Variants in RET observed in about 807,000 individuals in gnomAD.
RET encodes the protein ret proto-oncogene, also known as proto-oncogene tyrosine-protein kinase receptor Ret.
Under a neutral mutation model 118.3 loss-of-function variants are expected in RET, and 19 were observed. The ratio of observed to expected loss-of-function variants is 0.16; its 90% CI spans 0.11 to 0.24. The LOEUF is 0.24. Among genes scored for constraint, RET ranks in the 10% least tolerant of loss-of-function variants. The pLI is 1.00. For synonymous variants in RET, 597 were observed against 644.1 expected (o/e 0.93, Z 1.11); for missense variants, 1,219 against 1,502.1 (o/e 0.81, Z 3.12).
chr10:43,086,197 C>T (rs1276109029), intron 1 of RET, among the ~76,000 whole-genome samples: 2 of 152,144 alleles, frequency 1.3e-5, no homozygotes, highest in African/African-American at 4.8e-5. Flanking sequence ...CCTCATTTTC[C>T]TCCTGTGTGA....
chr10:43,120,051 C>G (rs757085995), intron 14 of RET, 30 bp from the exon 15 acceptor site: 1 of 1,612,088 alleles, frequency 6.2e-7, no homozygotes, highest in Non-Finnish European at 8.5e-7. Flanking sequence ...CTGGCCATGG[C>G]CTGACGACTC....
At chr10:43,120,946 A>G (rs976778493) in intron 15 of RET, among the ~76,000 whole-genome samples, 5 of 151,990 alleles carry the variant, frequency 3.3e-5, no homozygotes, top group African/African-American at 4.8e-5. Context: ...AGAAGAAGAA[A>G]AAAAAAAACC....
At chr10:43,120,227 GGGGCTCCCA>G (rs976954842) in intron 15 of RET, 24 bp downstream of exon 15, 14 of 1,611,026 alleles carry the variant, frequency 8.7e-6, no homozygotes, top group Non-Finnish European at 1.2e-5. Flanking sequence ...GGGATGAGGC[GGGGCTCCCA>G]GGGATCCCAG....
Position 43,106,802 on chromosome 10 carries a change from G to T in RET, c.1063+231G>T, listed in dbSNP as rs553596818. Among the ~76,000 whole-genome samples, 2 of 152,132 alleles carry T rather than the reference G, an allele frequency of 1.3e-5. No individual in the cohort carries two copies. The highest frequency in any genetic ancestry group is 4.8e-5 in the African/African-American group (2 of 41,424). On this transcript the variant is annotated intron_variant, in intron 5 of 19. Coordinates refer to ENST00000355710, the MANE Select transcript of RET (RefSeq NM_020975.6). This position sits in a 1 kb window ranked among gnomAD's most constrained non-coding sequence, Gnocchi z 5.1. ...TCTCTCCCTGAGCTGATCCATGGCC[G>T]ACCCTGGCAGGGCCCCACCACACCC...
At chr10:43,110,696 C>T (rs542236968) in intron 6 of RET, among the ~76,000 whole-genome samples, 8 of 152,034 alleles carry the variant, frequency 5.3e-5, no homozygotes, top group Non-Finnish European at 1.2e-4. Context: ...ACCATGCTCC[C>T]GAGTCTTGTG....
intron 3 of RET, among the ~76,000 whole-genome samples, chr10:43,103,609 C>T (rs1337136302): frequency 1.3e-5 from 2 of 152,190 alleles, no homozygotes; most frequent in Non-Finnish European, 2.9e-5. Context: ...CTTTATCACA[C>T]AAACATGGCA....
At chr10:43,122,403 C>T (rs1838238738) in intron 16 of RET, among the ~76,000 whole-genome samples, 1 of 152,198 alleles carries the variant, frequency 6.6e-6, no homozygotes, top group Admixed American at 6.5e-5. Context: ...CACCCAGTGA[C>T]TTGCCCCCAC....
At chr10:43,079,341 C>T (rs556295367) in intron 1 of RET, among the ~76,000 whole-genome samples, 26 of 152,316 alleles carry the variant, frequency 1.7e-4, no homozygotes, top group East Asian at 3.9e-4. Context: ...CACACAGGGA[C>T]GCCACGTGTG....
intron 1 of RET, among the ~76,000 whole-genome samples, chr10:43,099,908 G>A (rs1163280846): frequency 6.6e-6 from 1 of 152,228 alleles, no homozygotes; most frequent in African/African-American, 2.4e-5. Context: ...ACCACGGTGT[G>A]CCTGTCCATC....
intron 1 of RET, among the ~76,000 whole-genome samples, chr10:43,078,630 G>A (rs1171515653): frequency 7.2e-5 from 11 of 152,354 alleles, no homozygotes; most frequent in African/African-American, 1.7e-4. Context: ...ATTCTGGGCT[G>A]TGGCTTTGGC....
chr10:43,093,402 C>A (rs1192684892), intron 1 of RET, among the ~76,000 whole-genome samples: 1 of 151,960 alleles, frequency 6.6e-6, no homozygotes, highest in East Asian at 1.9e-4. Context: ...TGGGGCCATA[C>A]CGTGATGAGA....
chr10:43,122,860 T>A (rs1838248184), intron 16 of RET, among the ~76,000 whole-genome samples: 1 of 152,200 alleles, frequency 6.6e-6, no homozygotes, highest in Non-Finnish European at 1.5e-5. Context: ...TCCACCCACC[T>A]CAGCCTCCCA....
intron 6 of RET, among the ~76,000 whole-genome samples, chr10:43,109,882 A>T (rs1411091017): frequency 6.6e-6 from 1 of 152,210 alleles, no homozygotes; most frequent in Non-Finnish European, 1.5e-5. Context: ...TCTTTCTGGG[A>T]TGTTTCTCGT....
At chr10:43,088,307 T>C (rs1389779539) in intron 1 of RET, among the ~76,000 whole-genome samples, 1 of 148,954 alleles carries the variant, frequency 6.7e-6, no homozygotes. Flanking sequence ...GAGGTCATGA[T>C]GGTGAAGGTG....
rs1837911590 is a variant in RET, at chr10:43,111,197, G to A, written c.1264-10G>A. 1.2e-6 allele frequency: 2 copies of A among 1,613,456 alleles called. No individual in the cohort carries two copies. Among genetic ancestry groups the A allele is most frequent in the Non-Finnish European group, 1.7e-6 (2 of 1,179,936 alleles). On this transcript the variant is annotated splice_polypyrimidine_tract_variant and intron_variant, in intron 6 of 19. Coordinates refer to ENST00000355710, the MANE Select transcript of RET (RefSeq NM_020975.6). Reference sequence around the variant, plus strand: ...CTGCCTGGCTAAGGTGTTCCCCTGTGCCCCCCTAGATCGGGAAAGTCTGTG... The same window carrying A: ...CTGCCTGGCTAAGGTGTTCCCCTGTACCCCCCTAGATCGGGAAAGTCTGTG...
intron 1 of RET, among the ~76,000 whole-genome samples, chr10:43,095,899 G>A (rs1380616096): frequency 2.6e-5 from 4 of 152,366 alleles, no homozygotes; most frequent in South Asian, 2.1e-4. Flanking sequence ...CAGCCAGCCT[G>A]AGGAACCAGA....
intron 19 of RET, 104 bp downstream of exon 19, chr10:43,126,826 C>A (rs1158223602): frequency 6.5e-7 from 1 of 1,528,404 alleles, no homozygotes; most frequent in Non-Finnish European, 8.8e-7. Flanking sequence ...CTGAACAAAA[C>A]CAAAGTCTGC....
Position 43,119,881 on chromosome 10 carries a change from A to G in RET, c.2607+136A>G, listed in dbSNP as rs571991475. The G allele has an allele frequency of 6.3e-3, 7,864 of 1,242,804 alleles. 29 individuals carry two copies. Among genetic ancestry groups the G allele is most frequent in the Non-Finnish European group, 7.3e-3 (6,376 of 879,100 alleles). 77.0% of individuals were successfully genotyped at this position (1,242,804 alleles called of 1,614,324 possible). A position where few individuals can be genotyped will look rare whatever the true frequency, so the allele number is the denominator to read the frequency against. ...TAGCCCACCATGCCCCTGCCATGGC[A>G]TGCCATGCTATGGCTCACCACGCCC... On this transcript the variant is annotated intron_variant, in intron 14 of 19. Coordinates refer to ENST00000355710, the MANE Select transcript of RET (RefSeq NM_020975.6).
chr10:43,092,513 C>T (rs1317949397), intron 1 of RET, among the ~76,000 whole-genome samples: 1 of 152,224 alleles, frequency 6.6e-6, no homozygotes, highest in Non-Finnish European at 1.5e-5. Context: ...TAGAATCTCT[C>T]TTTATATACA....
Sources: gnomAD v4.1 joint callset for allele counts (sites outside exome capture counted in the v4.1 genomes callset) on GRCh38, gnomAD v4.1.1 for gene constraint, Gnocchi (gnomAD v3.1) non-coding constraint, MANE v1.5 for transcripts, NCBI Gene and HGNC (gene_info 2026-07-23, HGNC 2026-07-21) for gene names.